Variants in TBC1D1 observed in about 807,000 individuals in gnomAD.
The protein encoded by TBC1D1 is TBC1 domain family member 1.
Under a neutral mutation model 125.6 loss-of-function variants are expected in TBC1D1, and 89 were observed. The ratio of observed to expected loss-of-function variants is 0.71; its 90% CI spans 0.60 to 0.85. The LOEUF (loss-of-function observed/expected upper bound fraction) is 0.85, where lower values mean the gene tolerates loss of function less well. Among genes scored for constraint, TBC1D1 ranks in the 40% least tolerant of loss-of-function variants. The pLI, the probability that TBC1D1 is intolerant of heterozygous loss-of-function variation, is 0.00. For missense variants in TBC1D1, 1,377 were observed against 1,469.2 expected (o/e 0.94, Z 1.03); for synonymous variants, 565 against 564.1 (o/e 1.00, Z -0.02).
At chr4:37,941,670 C>A (rs1474652291) in intron 2 of TBC1D1, among the ~76,000 whole-genome samples, 5 of 152,154 alleles carry the variant, frequency 3.3e-5, no homozygotes, top group Non-Finnish European at 5.9e-5. Context: ...TAGTGCTATA[C>A]ATTTCCCTCT....
chr4:37,917,253 C>T lies in TBC1D1; in HGVS notation c.417+14741C>T, dbSNP rs192841171. Among the ~76,000 whole-genome samples, 323 of 151,530 alleles carry T rather than the reference C, an allele frequency of 2.1e-3. 1 individual carries two copies. The highest frequency in any genetic ancestry group is 7.2e-3 in the African/African-American group (297 of 41,386). On this transcript the variant is annotated intron_variant, in intron 2 of 19. Transcript: ENST00000261439. ...TTTTGGGAGGCCGAGGCAGGTGGAT[C>T]ACGTGAGGTCAGGAGTTCAAGACCA... is the stretch of plus-strand genomic sequence containing the variant.
At chr4:37,906,731 A>T (rs996131283) in intron 2 of TBC1D1, among the ~76,000 whole-genome samples, 1 of 152,374 alleles carries the variant, frequency 6.6e-6, no homozygotes, top group South Asian at 2.1e-4. Flanking sequence ...ATGGAAATCC[A>T]TGCATAGTTT....
At chr4:38,106,430 C>G (rs1211409688) in intron 15 of TBC1D1, among the ~76,000 whole-genome samples, 2 of 152,188 alleles carry the variant, frequency 1.3e-5, no homozygotes, top group Non-Finnish European at 2.9e-5. Context: ...CTTGGTGGAG[C>G]TGGGGCCCAT....
Position 37,946,632 on chromosome 4 carries a change from C to T in TBC1D1, c.417+44120C>T, listed in dbSNP as rs557437918. 5.3e-5 allele frequency among the ~76,000 whole-genome samples: 8 copies of T among 152,228 alleles called. No homozygotes were observed. The East Asian group carries it at 1.4e-3, about 26-fold the overall frequency. The stretch of plus-strand genomic sequence containing the variant: ...GTCAACAGTGGCCCAGGGAAAAGGA[C>T]TGTGGGCATGACCTGCAGGAAGAGG... On this transcript the variant is annotated intron_variant, in intron 2 of 19. Coordinates refer to ENST00000261439, the MANE Select transcript of TBC1D1 (RefSeq NM_015173.4).
chr4:37,913,903 G>A (rs897999167), intron 2 of TBC1D1, among the ~76,000 whole-genome samples: 4 of 151,846 alleles, frequency 2.6e-5, no homozygotes, highest in African/African-American at 7.3e-5. Flanking sequence ...TCCCTTCTTT[G>A]TACTTTTCTT....
intron 6 of TBC1D1, among the ~76,000 whole-genome samples, chr4:38,022,698 GCAGGGAGGGGC>G (rs1744293043): frequency 6.6e-6 from 1 of 152,218 alleles, no homozygotes; most frequent in Admixed American, 6.5e-5. Context: ...CTCTGTGACT[GCAGGGAGGGGC>G]CAGGGGAGAG....
At position 38,138,533 on chromosome 4, in the gene TBC1D1, T is replaced by G. The variant is rs916154433; in HGVS notation, c.*1198T>G. On this transcript the variant is annotated 3_prime_UTR_variant, in exon 20 of 20. Transcript: ENST00000261439. ...ACAGTTTTTCAGAGGTCGCACACAG[T>G]GACTCTCCTCTCTCAGGATGACGAG... 6.6e-6 allele frequency: 1 copy of G among 152,550 alleles called. No individual in the cohort carries two copies. Among genetic ancestry groups the G allele is most frequent in the Non-Finnish European group, 1.5e-5 (1 of 68,034 alleles). 9.4% of individuals were successfully genotyped at this position (152,550 alleles called of 1,614,324 possible).
At chr4:38,067,452 G>A (rs1324503342) in intron 12 of TBC1D1, among the ~76,000 whole-genome samples, 1 of 152,180 alleles carries the variant, frequency 6.6e-6, no homozygotes, top group African/African-American at 2.4e-5. Flanking sequence ...CAGTTGCCAG[G>A]GGACGGCTTT....
chr4:38,089,641 AATT>A (rs768000150), intron 12 of TBC1D1, among the ~76,000 whole-genome samples: 2 of 152,242 alleles, frequency 1.3e-5, no homozygotes, highest in South Asian at 2.1e-4. Flanking sequence ...TCAATAATAT[AATT>A]ATTAAATAAC....
At chr4:37,981,075 T>C (rs1302045419) in intron 2 of TBC1D1, among the ~76,000 whole-genome samples, 1 of 152,100 alleles carries the variant, frequency 6.6e-6, no homozygotes, top group Admixed American at 6.5e-5. Flanking sequence ...CCCTAGTAGC[T>C]GGGACTACAG....
intron 19 of TBC1D1, among the ~76,000 whole-genome samples, chr4:38,136,110 T>TG (rs1766568113): frequency 2.6e-5 from 4 of 152,142 alleles, no homozygotes; most frequent in Admixed American, 2.0e-4. Flanking sequence ...GCATACATGT[T>TG]GGAGTTTCTG....
In TBC1D1 at chr4:38,137,427, G is replaced by A; in HGVS notation, c.*92G>A. On this transcript the variant is annotated 3_prime_UTR_variant, in exon 20 of 20. Transcript: ENST00000261439. Reference sequence around the variant, plus strand: ...ACGCTGGAAGGAGAGAAGGAAGCGGGAAGTGTGCTTCTCAGGGAGGAAACC... The same window carrying A: ...ACGCTGGAAGGAGAGAAGGAAGCGGAAAGTGTGCTTCTCAGGGAGGAAACC... 7.5e-7 allele frequency: 1 copy of A among 1,342,250 alleles called. No homozygotes were observed. Among genetic ancestry groups the A allele is most frequent in the South Asian group, 2.0e-5 (1 of 49,368 alleles). The allele number at this position is 1,342,250 out of a possible 1,614,324, so 83.1% of individuals were successfully genotyped here. A position where few individuals can be genotyped will look rare whatever the true frequency, so the allele number is the denominator to read the frequency against.
At chr4:38,032,039 C>T (rs748804285) in intron 7 of TBC1D1, among the ~76,000 whole-genome samples, 1 of 152,178 alleles carries the variant, frequency 6.6e-6, no homozygotes, top group Non-Finnish European at 1.5e-5. Context: ...GCATTTCTGG[C>T]CAGGCGCGGT....
chr4:38,078,192 C>A (rs937217921), intron 12 of TBC1D1, among the ~76,000 whole-genome samples: 2 of 152,258 alleles, frequency 1.3e-5, no homozygotes, highest in East Asian at 3.9e-4. Context: ...TCTGGCACCC[C>A]CAGGCCTTCC....
chr4:37,895,342 C>T (rs1474021757), intron 1 of TBC1D1, among the ~76,000 whole-genome samples: 2 of 152,144 alleles, frequency 1.3e-5, no homozygotes, highest in African/African-American at 4.8e-5. Context: ...AGGACACTCG[C>T]CCATTTCCCA....
intron 18 of TBC1D1, among the ~76,000 whole-genome samples, chr4:38,131,030 T>C (rs1431225014): frequency 1.3e-5 from 2 of 152,180 alleles, no homozygotes; most frequent in African/African-American, 4.8e-5. Context: ...CAGCCTCATA[T>C]TGCCATGGTT....
intron 12 of TBC1D1, among the ~76,000 whole-genome samples, chr4:38,086,286 G>A (rs1201139485): frequency 6.6e-6 from 1 of 152,204 alleles, no homozygotes; most frequent in African/African-American, 2.4e-5. Context: ...GTTCTTATTA[G>A]AGGTGGTTTT....
chr4:38,104,124 C>T (rs572760086), intron 15 of TBC1D1, among the ~76,000 whole-genome samples: 3 of 140,674 alleles, frequency 2.1e-5, no homozygotes, highest in Non-Finnish European at 4.5e-5. Context: ...CATGCCACTA[C>T]GCTCCAGCCT....
intron 2 of TBC1D1, among the ~76,000 whole-genome samples, chr4:37,958,695 T>C (rs7660926): frequency 0.63 from 95,577 of 152,088 alleles, 30,892 homozygotes; most frequent in East Asian, 0.96. Flanking sequence ...TTCAGAGTAC[T>C]ATTAGAAGGC....
Sources: allele counts gnomAD v4.1 joint callset (sites outside exome capture counted in the v4.1 genomes callset), GRCh38; gene constraint gnomAD v4.1.1; transcripts MANE v1.5; gene names NCBI Gene and HGNC (gene_info 2026-07-23, HGNC 2026-07-21).